Variants in ARHGEF28 observed in about 807,000 individuals in gnomAD.
ARHGEF28 encodes the protein 190 kDa guanine nucleotide exchange factor.
Under a neutral mutation model 206.6 loss-of-function variants are expected in ARHGEF28, and 152 were observed. The observed-to-expected ratio is 0.74, with a 90% CI of 0.64 to 0.84. The LOEUF (loss-of-function observed/expected upper bound fraction) is 0.84. Among genes scored for constraint, ARHGEF28 ranks in the 40% least tolerant of loss-of-function variants. ARHGEF28 has a pLI of 0.00. For missense variants in ARHGEF28, 2,028 were observed against 2,073.2 expected, an observed-to-expected ratio of 0.98 and a Z score of 0.42; for synonymous variants, 763 against 776.4, an observed-to-expected ratio of 0.98 and a Z score of 0.29.
chr5:73,899,600 G>C (rs928211949), intron 30 of ARHGEF28: 2 of 152,226 alleles, frequency 1.3e-5, no homozygotes, highest in Non-Finnish European at 2.9e-5. Flanking sequence ...ATGAGAGTTT[G>C]ATTCTCTTTA....
chr5:73,742,741 G>T (rs1225601823), intron 2 of ARHGEF28, among the ~76,000 whole-genome samples: 1 of 149,618 alleles, frequency 6.7e-6, no homozygotes, highest in East Asian at 2.0e-4. Flanking sequence ...GGAGAATGGC[G>T]TGAACCCGGG....
chr5:73,767,368 G>A (rs1752953002), intron 4 of ARHGEF28, among the ~76,000 whole-genome samples: 1 of 152,156 alleles, frequency 6.6e-6, no homozygotes, highest in Non-Finnish European at 1.5e-5. Context: ...AGGAAAATGT[G>A]CAAAAGTTTG....
chr5:73,684,025 A>G (rs1470274653), intron 1 of ARHGEF28, among the ~76,000 whole-genome samples: 2 of 152,186 alleles, frequency 1.3e-5, no homozygotes, highest in African/African-American at 4.8e-5. Flanking sequence ...ATTTTGCCTC[A>G]TGTAGACACT....
intron 7 of ARHGEF28, among the ~76,000 whole-genome samples, chr5:73,791,212 G>T (rs1244339293): frequency 6.6e-6 from 1 of 152,168 alleles, no homozygotes; most frequent in African/African-American, 2.4e-5. Flanking sequence ...GGGATACAAG[G>T]GTTGAGCGGA....
Position 73,904,420 on chromosome 5 carries a change from C to G in ARHGEF28, c.4161+15C>G. 1 of 1,601,332 alleles carries G rather than the reference C, an allele frequency of 6.2e-7. No homozygotes were observed. Among genetic ancestry groups the G allele is most frequent in the Non-Finnish European group, 8.5e-7 (1 of 1,171,344 alleles). ...ACAGCCTTCAGGTAACTATCCTCCTCTAATCTTTGACCTTGTGAATGGTTC... is the reference window on the plus strand; with the variant it reads ...ACAGCCTTCAGGTAACTATCCTCCTGTAATCTTTGACCTTGTGAATGGTTC... On this transcript the variant is annotated intron_variant, in intron 33 of 35. Coordinates refer to ENST00000513042, the MANE Select transcript of ARHGEF28 (RefSeq NM_001177693.2).
chr5:73,683,909 G>C (rs566489677), intron 1 of ARHGEF28, among the ~76,000 whole-genome samples: 60 of 152,284 alleles, frequency 3.9e-4, no homozygotes, highest in African/African-American at 1.4e-3. Flanking sequence ...TTTAGGAGCA[G>C]TCTATGGGAT....
chr5:73,900,098 G>A (rs1177212236), intron 30 of ARHGEF28: 1 of 152,188 alleles, frequency 6.6e-6, no homozygotes, highest in African/African-American at 2.4e-5. Context: ...AAATGGACTT[G>A]TTTTTAGCTG....
intron 2 of ARHGEF28, among the ~76,000 whole-genome samples, chr5:73,747,484 G>A (rs68038812): frequency 0.37 from 55,508 of 151,954 alleles, 11,150 homozygotes; most frequent in African/African-American, 0.54. Context: ...ATCTAAATCC[G>A]TCTCCTTTGA....
chr5:73,663,180 T>C (rs1031285745), intron 1 of ARHGEF28, among the ~76,000 whole-genome samples: 1 of 152,154 alleles, frequency 6.6e-6, no homozygotes, highest in Non-Finnish European at 1.5e-5. Flanking sequence ...GGTCTCGAAC[T>C]CCTGATCTCA....
intron 1 of ARHGEF28, among the ~76,000 whole-genome samples, chr5:73,671,738 A>ATTTT (rs1172905776): frequency 5.1e-4 from 5 of 9,896 alleles, no homozygotes; most frequent in South Asian, 5.1e-3. Flanking sequence ...ATATATATAT[A>ATTTT]TTTTTTTTTT....
intron 16 of ARHGEF28, among the ~76,000 whole-genome samples, chr5:73,864,381 A>G (rs1759577111): frequency 6.6e-6 from 1 of 152,128 alleles, no homozygotes; most frequent in Non-Finnish European, 1.5e-5. Flanking sequence ...CATTTTTTTC[A>G]GCATTGTTAA....
In ARHGEF28 at chr5:73,776,657, C is replaced by T. The variant is rs917041657; in HGVS notation, c.801C>T (p.Leu267=). Residue 267 remains leucine (L), a synonymous_variant, in exon 6 of 36, where the codon CTC becomes CTT. Coordinates refer to ENST00000513042, the MANE Select transcript of ARHGEF28 (RefSeq NM_001177693.2). ...ATTTGTTGGAGGCAGATATTAAACT[C>T]TTCCGGAAATACTTTTGGGATAGAG... ...AEHLLEADIK[L]FRKYFWDRAF... The T allele has an allele frequency of 1.9e-6, 3 of 1,613,634 alleles. No individual in the cohort carries two copies. The highest frequency in any genetic ancestry group is 2.7e-5 in the African/African-American group (2 of 75,034).
intron 7 of ARHGEF28, among the ~76,000 whole-genome samples, chr5:73,790,135 A>C (rs1754389772): frequency 6.6e-6 from 1 of 152,134 alleles, no homozygotes; most frequent in African/African-American, 2.4e-5. Context: ...CTATTCAGAC[A>C]AAAAGAGCAA....
intron 11 of ARHGEF28, among the ~76,000 whole-genome samples, chr5:73,845,284 G>T: frequency 6.6e-6 from 1 of 152,198 alleles, no homozygotes; most frequent in East Asian, 1.9e-4. Context: ...CCAAAGTGTT[G>T]GGATTACAGG....
intron 9 of ARHGEF28, among the ~76,000 whole-genome samples, chr5:73,816,561 G>A (rs6887038): frequency 0.4 from 61,258 of 152,132 alleles, 12,774 homozygotes; most frequent in East Asian, 0.55. Context: ...ACACATATAT[G>A]TTACTGGCTT....
intron 33 of ARHGEF28, among the ~76,000 whole-genome samples, chr5:73,906,508 C>G (rs1762564785): frequency 6.6e-6 from 1 of 152,226 alleles, no homozygotes; most frequent in Non-Finnish European, 1.5e-5. Context: ...AGGCATGAGT[C>G]ACTGCACCCA....
intron 4 of ARHGEF28, among the ~76,000 whole-genome samples, chr5:73,754,943 G>T (rs1320731223): frequency 1.3e-5 from 2 of 150,526 alleles, no homozygotes; most frequent in Non-Finnish European, 3.0e-5. Flanking sequence ...TATTTCTCAG[G>T]CTTGTCTCAA....
At chr5:73,904,146 T>C (rs1762421364) in intron 31 of ARHGEF28, 76 bp from the exon 32 acceptor site, 5 of 1,427,140 alleles carry the variant, frequency 3.5e-6, no homozygotes, top group Non-Finnish European at 3.9e-6. Context: ...CCCAAGGTCA[T>C]ACATTTTGGG....
At chr5:73,815,190 GTATATATATA>G (rs34284444) in intron 9 of ARHGEF28, among the ~76,000 whole-genome samples, 1 of 148,456 alleles carries the variant, frequency 6.7e-6, no homozygotes, top group Non-Finnish European at 1.5e-5. Flanking sequence ...GATTCAGGGG[GTATATATATA>G]TATATATATA....
Sources: gnomAD v4.1 joint callset for allele counts (sites outside exome capture counted in the v4.1 genomes callset) on GRCh38, gnomAD v4.1.1 for gene constraint, MANE v1.5 for transcripts, NCBI Gene and HGNC (gene_info 2026-07-23, HGNC 2026-07-21) for gene names.